CA10: variants seen among roughly 807,000 people sequenced by gnomAD.
CA10 encodes the protein carbonic anhydrase 10 (inactive).
Under a neutral mutation model 44.2 loss-of-function variants are expected in CA10, and 14 were observed. The observed-to-expected ratio is 0.32, with a 90% CI of 0.21 to 0.50. The LOEUF (loss-of-function observed/expected upper bound fraction) is 0.50. CA10 is among the 20% of genes least tolerant of loss of function. The pLI is 0.99. For missense variants in CA10, 350 were observed against 409.7 expected (o/e 0.85, Z 1.26); for synonymous variants, 159 against 141.6 (o/e 1.12, Z -0.87).
chr17:51,805,775 C>A (rs925881003), intron 3 of CA10, among the ~76,000 whole-genome samples: 2 of 152,172 alleles, frequency 1.3e-5, no homozygotes, highest in African/African-American at 4.8e-5. Flanking sequence ...ACTCCCCACT[C>A]CCACCCCTGG....
intron 3 of CA10, among the ~76,000 whole-genome samples, chr17:51,770,275 C>T (rs1187681487): frequency 6.6e-6 from 1 of 151,358 alleles, no homozygotes; most frequent in Non-Finnish European, 1.5e-5. Flanking sequence ...CTACGTTATT[C>T]TCTAAATCAT....
chr17:51,703,215 G>A (rs540660411), intron 4 of CA10, among the ~76,000 whole-genome samples: 3 of 152,242 alleles, frequency 2.0e-5, no homozygotes, highest in African/African-American at 7.2e-5. Context: ...AAAATGTACT[G>A]TACATAATAG....
intron 3 of CA10, among the ~76,000 whole-genome samples, chr17:51,759,466 TTATA>T (rs2143633816): frequency 7.0e-6 from 1 of 143,402 alleles, no homozygotes; most frequent in South Asian, 2.2e-4. Context: ...TAATATTTTA[TTATA>T]TATAATAATC....
chr17:51,711,584 G>A (rs774845023), intron 4 of CA10, among the ~76,000 whole-genome samples: 2 of 152,216 alleles, frequency 1.3e-5, no homozygotes, highest in African/African-American at 2.4e-5. Context: ...CACAGCCTGC[G>A]ATGGAGAGTC....
chr17:52,072,678 T>TACACAC (rs58984767), intron 1 of CA10, among the ~76,000 whole-genome samples: 8,323 of 140,064 alleles, frequency 0.059, 306 homozygotes, highest in South Asian at 0.11. Flanking sequence ...ATCTTCCCCA[T>TACACAC]ACACACACAC....
intron 1 of CA10, among the ~76,000 whole-genome samples, chr17:52,150,640 G>A (rs1268989326): frequency 6.6e-6 from 1 of 152,044 alleles, no homozygotes; most frequent in East Asian, 1.9e-4. Flanking sequence ...GTACTCTATT[G>A]GAAATAAGAG....
chr17:51,668,144 G>A (rs1016861976), intron 4 of CA10, among the ~76,000 whole-genome samples: 29 of 152,222 alleles, frequency 1.9e-4, no homozygotes, highest in African/African-American at 7.0e-4. Context: ...GTCAGCTAGA[G>A]GGAAAGGTCT....
At chr17:51,659,600 G>T (rs930639692) in intron 4 of CA10, among the ~76,000 whole-genome samples, 17 of 152,236 alleles carry the variant, frequency 1.1e-4, no homozygotes, top group African/African-American at 4.1e-4. Flanking sequence ...ACAGTCACAT[G>T]AGTGCTGAAT....
intron 2 of CA10, among the ~76,000 whole-genome samples, chr17:51,993,812 A>T (rs1985129061): frequency 6.6e-6 from 1 of 151,230 alleles, no homozygotes; most frequent in African/African-American, 2.4e-5. Context: ...TCTCTCTTCT[A>T]CCTCCCTCCT....
intron 3 of CA10, among the ~76,000 whole-genome samples, chr17:51,890,734 T>C (rs924608926): frequency 2.6e-5 from 4 of 152,188 alleles, no homozygotes; most frequent in Non-Finnish European, 4.4e-5. Context: ...CTAGTATATA[T>C]AGTGCACTGT....
intron 4 of CA10, among the ~76,000 whole-genome samples, chr17:51,676,275 T>C (rs1391956356): frequency 6.6e-6 from 1 of 152,212 alleles, no homozygotes; most frequent in Non-Finnish European, 1.5e-5. Flanking sequence ...CGAGATAGTG[T>C]ACTTGGAGGG....
chr17:51,702,686 G>A (rs1470970294), intron 4 of CA10, among the ~76,000 whole-genome samples: 1 of 152,090 alleles, frequency 6.6e-6, no homozygotes, highest in Non-Finnish European at 1.5e-5. Flanking sequence ...TGGCCACCCT[G>A]GAAGGAAACC....
chr17:51,929,106 CA>C (rs1178310060), intron 3 of CA10, among the ~76,000 whole-genome samples: 1 of 151,858 alleles, frequency 6.6e-6, no homozygotes, highest in African/African-American at 2.4e-5. Flanking sequence ...ATCATCTGTT[CA>C]AAAAATATCT....
intron 2 of CA10, among the ~76,000 whole-genome samples, chr17:52,039,931 A>G (rs1008728831): frequency 1.3e-5 from 2 of 152,004 alleles, no homozygotes; most frequent in African/African-American, 4.8e-5. Context: ...ATAGCAGATA[A>G]ACAGGAGGAA....
chr17:51,810,541 CG>C (rs1907319739), intron 3 of CA10, among the ~76,000 whole-genome samples: 1 of 152,082 alleles, frequency 6.6e-6, no homozygotes, highest in East Asian at 1.9e-4. Context: ...GGTGGTGAAA[CG>C]TGCTATGCAG....
intron 3 of CA10, among the ~76,000 whole-genome samples, chr17:51,758,340 C>T (rs1328952518): frequency 6.6e-6 from 1 of 152,192 alleles, no homozygotes; most frequent in Non-Finnish European, 1.5e-5. Flanking sequence ...CTAGGTAGCA[C>T]CATTGCAGTG....
intron 2 of CA10, among the ~76,000 whole-genome samples, chr17:52,059,113 G>T (rs1987307438): frequency 1.3e-5 from 2 of 152,106 alleles, no homozygotes; most frequent in Admixed American, 1.3e-4. Flanking sequence ...TCCTCTTAGA[G>T]ATGAAAAATC....
intron 3 of CA10, among the ~76,000 whole-genome samples, chr17:51,815,247 A>G (rs2143748395): frequency 6.6e-6 from 1 of 152,224 alleles, no homozygotes; most frequent in South Asian, 2.1e-4. Flanking sequence ...GCCTTCTACA[A>G]CAAAGAATTA....
intron 4 of CA10, among the ~76,000 whole-genome samples, chr17:51,716,549 C>T (rs1026182101): frequency 6.6e-6 from 1 of 152,102 alleles, no homozygotes; most frequent in African/African-American, 2.4e-5. Context: ...TGCCAGCCCC[C>T]CAGGGTTGAG....
Sources: gnomAD v4.1 joint callset for allele counts (sites outside exome capture counted in the v4.1 genomes callset) on GRCh38, gnomAD v4.1.1 for gene constraint, MANE v1.5 for transcripts, NCBI Gene and HGNC (gene_info 2026-07-23, HGNC 2026-07-21) for gene names.